ARPC2: variants seen among roughly 807,000 people sequenced by gnomAD.
ARPC2 encodes the protein actin-related protein 2/3 complex subunit 2.
ARPC2 carries 4 observed loss-of-function variants against 38.6 expected under a neutral mutation model. The observed-to-expected ratio is 0.10, with a 90% CI of 0.05 to 0.24. ARPC2 has a LOEUF of 0.24. ARPC2 is among the 10% of genes least tolerant of loss of function. The pLI is 1.00. For missense variants in ARPC2, 229 were observed against 387.3 expected, an observed-to-expected ratio of 0.59 and a Z score of 3.43; for synonymous variants, 125 against 140.8, an observed-to-expected ratio of 0.89 and a Z score of 0.79.
At chr2:218,222,950 G>A (rs1689417895) in intron 2 of ARPC2, among the ~76,000 whole-genome samples, 1 of 152,150 alleles carries the variant, frequency 6.6e-6, no homozygotes, top group Admixed American at 6.5e-5. Flanking sequence ...GATTGTATTT[G>A]TATGGCACAT....
rs111487043 is a variant in ARPC2, at chr2:218,230,287, C to T, written c.222+1437C>T. ...GTGCCCAGCCTTTTCTTTTTTTTTTCTTTTTTTTTTTTTTTTTTTTTTTTG... is the reference window on the plus strand; with the variant it reads ...GTGCCCAGCCTTTTCTTTTTTTTTTTTTTTTTTTTTTTTTTTTTTTTTTTG... On this transcript the variant is annotated intron_variant, in intron 4 of 10. Transcript: ENST00000315717. 2.8e-3 allele frequency among the ~76,000 whole-genome samples: 202 copies of T among 73,024 alleles called. 7 individuals are homozygous for T. The highest frequency in any genetic ancestry group is 0.013 in the Middle Eastern group (1 of 78). The allele number at this position is 73,024 out of a possible 152,430, so 47.9% of individuals were successfully genotyped here. A position where few individuals can be genotyped will look rare whatever the true frequency, so the allele number is the denominator to read the frequency against.
At chr2:218,253,833 G>T in intron 10 of ARPC2, 58 bp from the exon 11 acceptor site, 1 of 1,600,444 alleles carries the variant, frequency 6.2e-7, no homozygotes, top group Non-Finnish European at 8.5e-7. Context: ...CTAGGAGTGT[G>T]GGGTGGGAGG....
chr2:218,253,814 C>A, intron 10 of ARPC2, 77 bp from the exon 11 acceptor site: 1 of 1,506,334 alleles, frequency 6.6e-7, no homozygotes, highest in South Asian at 1.3e-5. Flanking sequence ...CTTTGGGATC[C>A]CATCTAGTCT....
intron 5 of ARPC2, chr2:218,234,945 G>A: frequency 2.3e-6 from 1 of 439,958 alleles, no homozygotes; most frequent in Non-Finnish European, 4.5e-6. Flanking sequence ...CTTTAAAAAG[G>A]AGGTTTAAAG....
chr2:218,240,834 A>G (rs1297736335), intron 7 of ARPC2, among the ~76,000 whole-genome samples: 1 of 152,176 alleles, frequency 6.6e-6, no homozygotes, highest in Non-Finnish European at 1.5e-5. Flanking sequence ...CAGAGGTTGC[A>G]GTGAGCCAAG....
intron 4 of ARPC2, among the ~76,000 whole-genome samples, chr2:218,232,236 G>A (rs540261220): frequency 5.3e-5 from 8 of 151,312 alleles, no homozygotes; most frequent in Non-Finnish European, 8.8e-5. Flanking sequence ...GTGAGACTCC[G>A]TCTCAAAAAA....
At chr2:218,243,072 A>G (rs1275027005) in intron 7 of ARPC2, among the ~76,000 whole-genome samples, 3 of 152,248 alleles carry the variant, frequency 2.0e-5, no homozygotes, top group Admixed American at 6.5e-5. Flanking sequence ...TTTTCTGAGT[A>G]TTTTTACAGT....
At chr2:218,223,190 A>G (rs576492761) in intron 2 of ARPC2, among the ~76,000 whole-genome samples, 209 of 152,274 alleles carry the variant, frequency 1.4e-3, no homozygotes, top group African/African-American at 4.7e-3. Context: ...GAAATAAACA[A>G]TCCATTAATT....
At chr2:218,225,492 T>C (rs752614607) in intron 2 of ARPC2, among the ~76,000 whole-genome samples, 9 of 152,246 alleles carry the variant, frequency 5.9e-5, no homozygotes, top group Non-Finnish European at 1.2e-4. Context: ...TCCTTTCTCT[T>C]TAAGCATATT....
chr2:218,249,825 A>T lies in ARPC2; in HGVS notation c.782A>T (p.Tyr261Phe). 6.2e-7 allele frequency: 1 copy of T among 1,613,334 alleles called. No homozygotes were observed. Among genetic ancestry groups the T allele is most frequent in the Non-Finnish European group, 8.5e-7 (1 of 1,179,542 alleles). Residue 261 changes from tyrosine to phenylalanine, a missense_variant, in exon 10 of 11, where the codon TAT becomes TTT. By Grantham distance (22) the Tyr-to-Phe change is conservative. Coordinates refer to ENST00000315717, the MANE Select transcript of ARPC2 (RefSeq NM_152862.3). ...LHYHIKCSKA[Y>F]IHTRMRAKTS... The stretch of plus-strand genomic sequence containing the variant: ...ACCTGTTATGTTTGTTCCCAGGCCT[A>T]TATTCACACACGTATGCGGGCGAAA...
At chr2:218,245,642 T>C in intron 8 of ARPC2, 96 bp downstream of exon 8, 1 of 1,523,364 alleles carries the variant, frequency 6.6e-7, no homozygotes, top group Non-Finnish European at 8.9e-7. Context: ...CATTTTAAGG[T>C]AGGCAAACGC....
intron 10 of ARPC2, among the ~76,000 whole-genome samples, chr2:218,250,176 G>C (rs375348259): frequency 2.0e-5 from 3 of 152,232 alleles, no homozygotes; most frequent in African/African-American, 7.2e-5. Flanking sequence ...CCAAGAGACT[G>C]TTCTTTTTGG....
chr2:218,228,066 A>T (rs140350384), intron 3 of ARPC2, among the ~76,000 whole-genome samples: 2 of 152,168 alleles, frequency 1.3e-5, no homozygotes, highest in African/African-American at 4.8e-5. Flanking sequence ...AAATAAATCA[A>T]TGGGAAGGAG....
intron 2 of ARPC2, 64 bp from the exon 3 acceptor site, chr2:218,225,856 G>A: frequency 6.5e-7 from 1 of 1,546,322 alleles, no homozygotes; most frequent in Non-Finnish European, 8.9e-7. Flanking sequence ...TGCCTTTCCA[G>A]TTCCCTTTGA....
rs201328332 is a variant in ARPC2 at position 218,225,969 on chromosome 2, C to A, written c.109+15C>A. 1 of 1,612,950 alleles carries A rather than the reference C, an allele frequency of 6.2e-7. No homozygotes were observed. Among genetic ancestry groups the A allele is most frequent in the East Asian group, 2.2e-5 (1 of 44,850 alleles). On this transcript the variant is annotated intron_variant, in intron 3 of 10. Transcript: ENST00000315717. The stretch of plus-strand genomic sequence containing the variant: ...AACATTTGCAGGTAAGCATCTTTAT[C>A]TCAGCCCTCTGAAGAGAAGGTACAA...
intron 2 of ARPC2, among the ~76,000 whole-genome samples, chr2:218,223,793 G>T (rs1689435239): frequency 6.6e-6 from 1 of 152,148 alleles, no homozygotes; most frequent in African/African-American, 2.4e-5. Flanking sequence ...AGTAAATAAT[G>T]TAACTATTAA....
intron 2 of ARPC2, among the ~76,000 whole-genome samples, chr2:218,221,170 G>A (rs1689376334): frequency 1.3e-5 from 2 of 152,216 alleles, no homozygotes. Context: ...ATTGCTGTTG[G>A]ATTTAAGTGT....
At chr2:218,234,215 C>G in intron 4 of ARPC2, 137 bp from the exon 5 acceptor site, 1 of 632,796 alleles carries the variant, frequency 1.6e-6, no homozygotes, top group Middle Eastern at 3.2e-4. Flanking sequence ...TCTGTCTCTA[C>G]TTTCCCATCC....
At position 218,245,400 on chromosome 2, in the gene ARPC2, C is replaced by T. The variant is rs892624133; in HGVS notation, c.550-20C>T. On this transcript the variant is annotated intron_variant, in intron 7 of 10. Coordinates refer to ENST00000315717, the MANE Select transcript of ARPC2 (RefSeq NM_152862.3). The stretch of plus-strand genomic sequence containing the variant: ...CTTACACCCACTTCTCTTCTGGTTG[C>T]TTTTGCTTTGTCTTGGCAGGAGTTC... The T allele has an allele frequency of 6.2e-7, 1 of 1,613,782 alleles. No homozygotes were observed. The highest frequency in any genetic ancestry group is 2.2e-5 in the East Asian group (1 of 44,872).
Sources: allele counts gnomAD v4.1 joint callset (sites outside exome capture counted in the v4.1 genomes callset), GRCh38; gene constraint gnomAD v4.1.1; transcripts MANE v1.5; gene names NCBI Gene and HGNC (gene_info 2026-07-23, HGNC 2026-07-21).